The following CUBN variants were observed in gnomAD, a reference collection of about 807,000 sequenced individuals.
CUBN encodes the protein cubilin.
A neutral mutation model predicts 405.3 loss-of-function variants in CUBN; 282 were observed. The ratio of observed to expected loss-of-function variants is 0.70; its 90% CI spans 0.63 to 0.77. The LOEUF is 0.77. CUBN is among the 30% of genes least tolerant of loss of function. The pLI is 0.00. For synonymous variants in CUBN, 1,684 were observed against 1,617.0 expected (o/e 1.04, Z -0.99); for missense variants, 4,514 against 4,475.2 (o/e 1.01, Z -0.25).
intron 28 of CUBN, among the ~76,000 whole-genome samples, chr10:17,009,886 A>C (rs995954217): frequency 3.3e-5 from 5 of 152,216 alleles, no homozygotes; most frequent in African/African-American, 1.2e-4. Flanking sequence ...TCCTACTGTC[A>C]TTAAAACAAA....
chr10:16,995,678 T>G (rs957853541), intron 28 of CUBN, among the ~76,000 whole-genome samples: 1 of 152,116 alleles, frequency 6.6e-6, no homozygotes, highest in African/African-American at 2.4e-5. Flanking sequence ...AGACAAAGAC[T>G]TGGAGCTAGA....
intron 15 of CUBN, among the ~76,000 whole-genome samples, chr10:17,086,679 C>T (rs1259724634): frequency 6.6e-6 from 1 of 152,042 alleles, no homozygotes; most frequent in Non-Finnish European, 1.5e-5. Flanking sequence ...ATATAAACCA[C>T]CGAGGAGTCA....
chr10:16,840,284 T>C, intron 62 of CUBN, 46 bp downstream of exon 62: 4 of 1,506,634 alleles, frequency 2.7e-6, no homozygotes, highest in Non-Finnish European at 3.7e-6. Flanking sequence ...CAAATACTGG[T>C]GAAAAGGTCA....
intron 28 of CUBN, among the ~76,000 whole-genome samples, chr10:17,005,962 C>G (rs566609100): frequency 2.0e-5 from 3 of 152,262 alleles, no homozygotes; most frequent in Admixed American, 1.3e-4. Flanking sequence ...ACACACAGAG[C>G]TATCAGGATG....
chr10:16,907,554 C>T lies in CUBN; in HGVS notation c.7659G>A (p.Arg2553=). Residue 2553 remains arginine, a synonymous_variant, in exon 49 of 67, where the codon AGG becomes AGA. Transcript: ENST00000377833. ...MKVIFFTDGS[R]PYGGFTASYT... ...AGGAAGCAGTGAAGCCGCCATATGG[C>T]CTGGATCCATCCGTGAAAAAAATGA... is the stretch of plus-strand genomic sequence containing the variant. The T allele has an allele frequency of 1.2e-6, 2 of 1,614,086 alleles. No individual in the cohort carries two copies. The highest frequency in any genetic ancestry group is 1.7e-6 in the Non-Finnish European group (2 of 1,180,012).
intron 1 of CUBN, 111 bp downstream of exon 1, chr10:17,129,533 C>G: frequency 7.2e-7 from 1 of 1,393,980 alleles, no homozygotes; most frequent in Non-Finnish European, 1.0e-6. Context: ...GTTTGCTTCT[C>G]AACATAATTT....
chr10:16,936,301 G>T (rs1453556269), intron 39 of CUBN, among the ~76,000 whole-genome samples: 1 of 152,168 alleles, frequency 6.6e-6, no homozygotes, highest in Non-Finnish European at 1.5e-5. Flanking sequence ...TATCCATCCA[G>T]ATTTAAATGT....
intron 17 of CUBN, among the ~76,000 whole-genome samples, chr10:17,078,932 G>A (rs911843426): frequency 1.3e-5 from 2 of 152,088 alleles, no homozygotes; most frequent in African/African-American, 4.8e-5. Context: ...TGTTCAATGG[G>A]TTTGCAGCTT....
chr10:17,003,001 A>G (rs1184735434), intron 28 of CUBN, among the ~76,000 whole-genome samples: 3 of 152,220 alleles, frequency 2.0e-5, no homozygotes, highest in Non-Finnish European at 1.5e-5. Flanking sequence ...AGAGTATCAC[A>G]AAGACAAAAG....
At chr10:16,948,671 AAAC>A in intron 34 of CUBN, 65 bp from the exon 35 acceptor site, 1 of 1,597,744 alleles carries the variant, frequency 6.3e-7, no homozygotes, top group South Asian at 1.1e-5. Flanking sequence ...TGTTTCTAGG[AAAC>A]ACATCTTTAC....
intron 6 of CUBN, among the ~76,000 whole-genome samples, chr10:17,119,669 CAA>C (rs1024619855): frequency 5.3e-5 from 8 of 152,112 alleles, no homozygotes; most frequent in African/African-American, 1.9e-4. Context: ...CAAAAACAAA[CAA>C]AACAAAACAA....
chr10:17,098,912 G>T (rs1490821796), intron 14 of CUBN, among the ~76,000 whole-genome samples: 1 of 152,094 alleles, frequency 6.6e-6, no homozygotes, highest in Non-Finnish European at 1.5e-5. Flanking sequence ...AATGAAAAGA[G>T]AACTAAATTT....
chr10:16,967,535 C>A lies in CUBN; in HGVS notation c.4696-12987G>T, dbSNP rs955496538. On this transcript the variant is annotated intron_variant, in intron 31 of 66. Coordinates refer to ENST00000377833, the MANE Select transcript of CUBN (RefSeq NM_001081.4). The stretch of plus-strand genomic sequence containing the variant: ...CAGCATTTGGTTGTTAATAAGACAC[C>A]CGCACCAGGAAGCAAAGTAGCTAAG... 2.6e-5 allele frequency among the ~76,000 whole-genome samples: 4 copies of A among 152,188 alleles called. No homozygotes were observed. The South Asian group carries it at 8.3e-4, about 32-fold the overall frequency.
At chr10:17,009,541 G>A (rs1432929507) in intron 28 of CUBN, among the ~76,000 whole-genome samples, 2 of 152,228 alleles carry the variant, frequency 1.3e-5, no homozygotes, top group Non-Finnish European at 1.5e-5. Flanking sequence ...GGCTAGAACA[G>A]CCTGGAGGGG....
At chr10:17,006,544 C>T (rs887281757) in intron 28 of CUBN, among the ~76,000 whole-genome samples, 8 of 152,132 alleles carry the variant, frequency 5.3e-5, no homozygotes, top group African/African-American at 1.7e-4. Context: ...CCCCGAAAGA[C>T]CAGTGATAAA....
intron 28 of CUBN, among the ~76,000 whole-genome samples, chr10:17,011,524 C>CAA (rs34638631): frequency 0.4 from 60,408 of 151,762 alleles, 12,317 homozygotes; most frequent in East Asian, 0.59. Context: ...AGTGTGAACC[C>CAA]AGAGTGAGCA....
intron 27 of CUBN, among the ~76,000 whole-genome samples, chr10:17,037,942 CT>C (rs397846881): frequency 0.18 from 26,313 of 142,774 alleles, 2,646 homozygotes; most frequent in Middle Eastern, 0.35. Flanking sequence ...ACACAGTCAC[CT>C]TTTTTTTTTT....
rs188897949 is a variant in CUBN, at chr10:16,972,627, T to C, written c.4695+9857A>G. The stretch of plus-strand genomic sequence containing the variant: ...TAATTTTTTAATTTTTTTGCAGAGA[T>C]GGGGTCCAGGCTGGTGTCAAACTCC... On this transcript the variant is annotated intron_variant, in intron 31 of 66. Transcript: ENST00000377833. 4.5e-3 allele frequency among the ~76,000 whole-genome samples: 680 copies of C among 152,066 alleles called. 6 individuals carry two copies. The highest frequency in any genetic ancestry group is 0.014 in the African/African-American group (584 of 41,486).
intron 54 of CUBN, among the ~76,000 whole-genome samples, chr10:16,892,840 G>C (rs1217408654): frequency 6.6e-6 from 1 of 152,068 alleles, no homozygotes; most frequent in Non-Finnish European, 1.5e-5. Flanking sequence ...AAAGTAAGAA[G>C]GGCTAAAACT....
Sources: gnomAD v4.1 joint callset for allele counts (sites outside exome capture counted in the v4.1 genomes callset) on GRCh38, gnomAD v4.1.1 for gene constraint, MANE v1.5 for transcripts, NCBI Gene and HGNC (gene_info 2026-07-23, HGNC 2026-07-21) for gene names.